Variants in LINGO2 observed in about 807,000 individuals in gnomAD.
The protein encoded by LINGO2 is leucine-rich repeat and immunoglobulin-like domain-containing nogo receptor-interacting protein 2.
In LINGO2, 14 loss-of-function variants were observed where a neutral mutation model predicts 30.6. The ratio of observed to expected loss-of-function variants is 0.46; its 90% CI spans 0.30 to 0.72. The LOEUF (loss-of-function observed/expected upper bound fraction) is 0.72. Among genes scored for constraint, LINGO2 ranks in the 30% least tolerant of loss-of-function variants. LINGO2 has a pLI of 0.07. For missense variants in LINGO2, 729 were observed against 751.7 expected (o/e 0.97, Z 0.35); for synonymous variants, 317 against 288.5 (o/e 1.10, Z -1.00).
chr9:28,952,618 C>T, the LINGO2 span, among the ~76,000 whole-genome samples: 1 of 152,060 alleles, frequency 6.6e-6, no homozygotes, highest in African/African-American at 2.4e-5. Context: ...AGAACTCTTC[C>T]ACCACCACAG....
At chr9:29,163,361 C>A in the LINGO2 span, among the ~76,000 whole-genome samples, 6,585 of 152,226 alleles carry the variant, frequency 0.043, 211 homozygotes, top group Admixed American at 0.08. Context: ...TCCTTTGATG[C>A]AAATCCTTTT....
In LINGO2 at chr9:28,165,894, A is replaced by G. The variant is rs1206110685; in HGVS notation, c.-87+129314T>C. Among the ~76,000 whole-genome samples, 5 of 152,336 alleles carry G rather than the reference A, an allele frequency of 3.3e-5. 1 individual carries two copies. The East Asian group carries it at 9.6e-4, about 29-fold the overall frequency. On this transcript the variant is annotated intron_variant, in intron 4 of 5. Transcript: ENST00000379992. The stretch of plus-strand genomic sequence containing the variant: ...TCAGAATCCTAGGATAGGAACACAA[A>G]GCAAAGAGAAAAGGGGAGCTAAAAG...
the LINGO2 span, among the ~76,000 whole-genome samples, chr9:28,705,322 A>G: frequency 3.3e-5 from 5 of 152,056 alleles, no homozygotes; most frequent in Admixed American, 1.3e-4. Flanking sequence ...GAAGACAAAT[A>G]ACAGTCCTAT....
At chr9:28,064,419 C>G (rs10812735) in intron 4 of LINGO2, among the ~76,000 whole-genome samples, 13,399 of 152,106 alleles carry the variant, frequency 0.088, 806 homozygotes, top group Middle Eastern at 0.17. Context: ...CCAGGCAGGT[C>G]TGCATTGACG....
the LINGO2 span, among the ~76,000 whole-genome samples, chr9:29,065,018 G>C: frequency 4.6e-5 from 7 of 152,032 alleles, no homozygotes; most frequent in Non-Finnish European, 7.4e-5. Flanking sequence ...AGGACCACAG[G>C]TATGTGAGGT....
At chr9:28,338,843 T>G (rs1825673462) in intron 3 of LINGO2, among the ~76,000 whole-genome samples, 1 of 152,124 alleles carries the variant, frequency 6.6e-6, no homozygotes, top group Non-Finnish European at 1.5e-5. Flanking sequence ...CTCTTTCCTT[T>G]ATAAATTACC....
chr9:27,975,046 A>T (rs920009063), intron 5 of LINGO2, among the ~76,000 whole-genome samples: 6 of 152,100 alleles, frequency 3.9e-5, no homozygotes, highest in Admixed American at 2.0e-4. Context: ...TCTGATTTGC[A>T]TCCTAGGAAT....
the LINGO2 span, among the ~76,000 whole-genome samples, chr9:29,020,316 C>A: frequency 5.4e-4 from 82 of 152,134 alleles, 1 homozygote; most frequent in Admixed American, 5.2e-3. Context: ...TACTGTTATA[C>A]ATAAGTATGA....
At chr9:28,760,758 G>GT in the LINGO2 span, among the ~76,000 whole-genome samples, 83 of 151,828 alleles carry the variant, frequency 5.5e-4, 2 homozygotes, top group African/African-American at 1.9e-3. Flanking sequence ...ACAATGTTTG[G>GT]TTTTCCATTC....
chr9:29,075,372 T>C, the LINGO2 span, among the ~76,000 whole-genome samples: 1 of 152,280 alleles, frequency 6.6e-6, no homozygotes, highest in Admixed American at 6.5e-5. Context: ...CATGAAGAAG[T>C]TTACATTGGC....
the LINGO2 span, among the ~76,000 whole-genome samples, chr9:28,691,455 A>G: frequency 1.3e-5 from 2 of 152,266 alleles, no homozygotes; most frequent in East Asian, 1.9e-4. Context: ...ACTGTATTGG[A>G]TCAAAAATTG....
intron 1 of LINGO2, among the ~76,000 whole-genome samples, chr9:28,479,582 T>G (rs1305560987): frequency 6.6e-6 from 1 of 151,728 alleles, no homozygotes; most frequent in Non-Finnish European, 1.5e-5. Context: ...TGAAATAAAA[T>G]AAGTAGATGT....
intron 1 of LINGO2, among the ~76,000 whole-genome samples, chr9:28,622,227 T>A (rs980697324): frequency 6.6e-6 from 1 of 151,996 alleles, no homozygotes; most frequent in Non-Finnish European, 1.5e-5. Flanking sequence ...AGTTGTGCTA[T>A]CAGATACTAG....
At chr9:28,496,058 C>A (rs1052869366) in intron 1 of LINGO2, among the ~76,000 whole-genome samples, 1 of 151,352 alleles carries the variant, frequency 6.6e-6, no homozygotes, top group African/African-American at 2.4e-5. Context: ...TTTACATTTG[C>A]TGAGGAGTGC....
chr9:29,211,110 T>C, the LINGO2 span, among the ~76,000 whole-genome samples: 1 of 152,170 alleles, frequency 6.6e-6, no homozygotes, highest in Non-Finnish European at 1.5e-5. Flanking sequence ...TTAGTATTAT[T>C]CTAAATATTC....
At chr9:28,883,253 G>T in the LINGO2 span, among the ~76,000 whole-genome samples, 1 of 151,858 alleles carries the variant, frequency 6.6e-6, no homozygotes, top group Non-Finnish European at 1.5e-5. Context: ...GGAGTGTAGG[G>T]GTGTGATCTC....
intron 4 of LINGO2, among the ~76,000 whole-genome samples, chr9:28,218,569 G>A (rs1418231445): frequency 6.6e-6 from 1 of 152,010 alleles, no homozygotes; most frequent in African/African-American, 2.4e-5. Context: ...CCAATATCCC[G>A]TGCCACAACC....
intron 1 of LINGO2, among the ~76,000 whole-genome samples, chr9:28,531,073 A>T (rs572972467): frequency 1.0e-4 from 15 of 148,630 alleles, no homozygotes; most frequent in African/African-American, 3.7e-4. Flanking sequence ...ATAATATATA[A>T]AATTCCAAAT....
the LINGO2 span, among the ~76,000 whole-genome samples, chr9:28,850,065 C>G: frequency 6.6e-6 from 1 of 151,908 alleles, no homozygotes. Flanking sequence ...CTACGGTTTT[C>G]TTTTCAAACA....
Sources: allele counts gnomAD v4.1 joint callset (sites outside exome capture counted in the v4.1 genomes callset), GRCh38; gene constraint gnomAD v4.1.1; transcripts MANE v1.5; gene names NCBI Gene and HGNC (gene_info 2026-07-23, HGNC 2026-07-21).